Variants in WBP2 observed in about 807,000 individuals in gnomAD.
WBP2 encodes the protein WW domain-binding protein 2.
In WBP2, 23 loss-of-function variants were observed where a neutral mutation model predicts 33.0. The ratio of observed to expected loss-of-function variants is 0.70; its 90% confidence interval spans 0.50 to 0.99. WBP2 has a LOEUF of 0.99. Among genes scored for constraint, WBP2 ranks in the 50% least tolerant of loss-of-function variants. The pLI, the probability that WBP2 is intolerant of heterozygous loss-of-function variation, is 0.00. For synonymous variants in WBP2, 153 were observed against 133.5 expected (o/e 1.15, Z -1.01); for missense variants, 353 against 358.0 (o/e 0.99, Z 0.11).
At position 75,849,611 on chromosome 17, in the gene WBP2, T is replaced by G. The variant is rs755252817; in HGVS notation, c.297A>C (p.Glu99Asp). 2.0e-5 allele frequency: 33 copies of G among 1,613,934 alleles called. No individual in the cohort carries two copies. The highest frequency in any genetic ancestry group is 2.6e-5 in the Non-Finnish European group (31 of 1,179,918). Reference sequence around the variant, plus strand: ...TGAGTTCCCATCACCTACCTCCCGCTTCCGCCTTCACTGTTCCCTTGATGT... The same window carrying G: ...TGAGTTCCCATCACCTACCTCCCGCGTCCGCCTTCACTGTTCCCTTGATGT... ...ANYIKGTVKA[E>D]AGGGWEGSAS... The change falls in exon 3 of 8, where the codon GAA (glutamate) becomes GAC (aspartate). Residue 99 changes from glutamate to aspartate, a missense_variant. Transcript: ENST00000254806.
At position 75,850,346 on chromosome 17, in the gene WBP2, C is replaced by T. The variant is rs531175746; in HGVS notation, c.169-607G>A. Among the ~76,000 whole-genome samples, 11 of 151,834 alleles carry T rather than the reference C, an allele frequency of 7.2e-5. 1 individual carries two copies. The highest frequency in any genetic ancestry group is 1.9e-4 in the East Asian group (1 of 5,166). Reference sequence around the variant, plus strand: ...CTGCAAGCTCCGCCTCCCGGGTTCACGCCATTCTCCTGCCTCAGCCTCCTG... The same window carrying T: ...CTGCAAGCTCCGCCTCCCGGGTTCATGCCATTCTCCTGCCTCAGCCTCCTG... On this transcript the variant is annotated intron_variant, in intron 2 of 7. Transcript: ENST00000254806.
At chr17:75,849,285 C>T (rs2065013860) in intron 3 of WBP2, 1 of 264,676 alleles carries the variant, frequency 3.8e-6, no homozygotes, top group East Asian at 7.8e-5. Flanking sequence ...TGAAAAGGCC[C>T]CTCTCAAGAA....
At chr17:75,849,786 C>T (rs528092187) in intron 2 of WBP2, 47 bp from the exon 3 acceptor site, 14 of 1,603,050 alleles carry the variant, frequency 8.7e-6, no homozygotes, top group African/African-American at 8.0e-5. Flanking sequence ...GCACAGCCCA[C>T]GCTGCCATGC....
At chr17:75,848,349 G>GTC (rs2065007895) in intron 4 of WBP2, 1 of 599,842 alleles carries the variant, frequency 1.7e-6, no homozygotes, top group East Asian at 2.8e-5. Flanking sequence ...TTGTCAAAAC[G>GTC]TCATCCACCT....
Position 75,846,574 on chromosome 17 carries a change from CG to C in WBP2, c.*159del, listed in dbSNP as rs767226716. 16 of 968,810 alleles carry C rather than the reference CG, an allele frequency of 1.7e-5. No homozygotes were observed. The highest frequency in any genetic ancestry group is 2.1e-5 in the Admixed American group (1 of 46,976). 60.0% of individuals were successfully genotyped at this position (968,810 alleles called of 1,614,324 possible). A position where few individuals can be genotyped will look rare whatever the true frequency, so the allele number is the denominator to read the frequency against. ...AGCTGGGCGGCACCTCTCCCGAGGCCGGGGGCCCTAATGTCCCACAATGCTA... is the reference window on the plus strand; with the variant it reads ...AGCTGGGCGGCACCTCTCCCGAGGCCGGGGCCCTAATGTCCCACAATGCTA... On this transcript the variant is annotated 3_prime_UTR_variant, in exon 8 of 8. Coordinates refer to ENST00000254806, the MANE Select transcript of WBP2 (RefSeq NM_012478.4). The surrounding 1 kb of genome is among the most constrained non-coding windows in gnomAD (Gnocchi z 4.8).
Position 75,851,572 on chromosome 17 carries a change from TA to T in WBP2, c.163del (p.Tyr55ThrfsTer17). 2 of 1,612,436 alleles carry T rather than the reference TA, an allele frequency of 1.2e-6. No individual in the cohort carries two copies. The highest frequency in any genetic ancestry group is 1.7e-6 in the Non-Finnish European group (2 of 1,178,648). On this transcript the variant is annotated frameshift_variant, in exon 2 of 8. Coordinates refer to ENST00000254806, the MANE Select transcript of WBP2 (RefSeq NM_012478.4). LOFTEE classifies it high-confidence loss of function. ...CTGCCCTGCTGTGCAACTCACCCGGTAAGGGGTAAGGTAGACAGTGCCTTTC... is the reference window on the plus strand; with the variant it reads ...CTGCCCTGCTGTGCAACTCACCCGGTAGGGGTAAGGTAGACAGTGCCTTTC... ...TKKGTVYLTP[Y>X]RVIFLSKGKD... is the part of the protein sequence containing the mutation.
chr17:75,848,395 G>A, intron 4 of WBP2, 175 bp downstream of exon 4: 1 of 652,788 alleles, frequency 1.5e-6, no homozygotes, highest in Non-Finnish European at 2.7e-6. Context: ...TGAGGTACAG[G>A]ACAGAGCTGA....
chr17:75,847,766 G>C (rs1281904253), intron 5 of WBP2, 30 bp downstream of exon 5: 1 of 1,542,964 alleles, frequency 6.5e-7, no homozygotes, highest in Non-Finnish European at 8.8e-7. Context: ...GGCTCATGAG[G>C]GGAGTGGGGG....
upstream of WBP2, among the ~76,000 whole-genome samples, chr17:75,855,988 G>A (rs900148583): frequency 2.0e-5 from 3 of 152,166 alleles, no homozygotes; most frequent in Non-Finnish European, 4.4e-5. Context: ...GAGGCCGTGT[G>A]CCCCGCCTGG....
rs35171947 is a variant in WBP2, at chr17:75,846,959, G to A, written c.681C>T (p.Ala227=). ...PAAEAKAAEA[A]ASAYYNPGNP... ...TGCCTGGGTTGTAATAGGCGCTGGC[G>A]GCTGCTTCTGCGGCCTTGGCTTCGG... The change falls in exon 7 of 8, where the codon GCC becomes GCT. Residue 227 remains alanine, a synonymous_variant. Transcript: ENST00000254806. This position sits in a 1 kb window ranked among gnomAD's most constrained non-coding sequence, Gnocchi z 4.8. The A allele has an allele frequency of 6.0e-3, 9,696 of 1,614,114 alleles. 242 individuals are homozygous for A. The African/African-American group carries it at 0.066, about 11-fold the overall frequency.
intron 3 of WBP2, 128 bp from the exon 4 acceptor site, chr17:75,848,790 G>C: frequency 1.3e-6 from 1 of 772,224 alleles, no homozygotes; most frequent in South Asian, 1.5e-5. Flanking sequence ...CCTGCACTGT[G>C]ATGGGGACTT....
At chr17:75,852,899 C>T (rs2065036219) in intron 1 of WBP2, 1 of 669,362 alleles carries the variant, frequency 1.5e-6, no homozygotes, top group Non-Finnish European at 1.8e-6. Context: ...AACCTGGGTT[C>T]TTAAGCGGGG....
intron 6 of WBP2, 122 bp downstream of exon 6, chr17:75,847,365 A>G (rs775349530): frequency 1.4e-6 from 2 of 1,446,018 alleles, no homozygotes; most frequent in South Asian, 2.4e-5. Context: ...CCCCTGGGGT[A>G]GTCCAGGGGT....
rs775754654 is a variant in WBP2, at chr17:75,846,775, G to A, written c.745C>T (p.Pro249Ser). ...NVYMPTSQPP[P>S]PPYYPPEDKK... is the part of the protein sequence containing the mutation. ...TCTTCCGGTGGGTAGTAGGGAGGTG[G>A]CGGCGGCTGGCTCTAAAGAAGGGAG... Residue 249 changes from proline to serine, a missense_variant, in exon 8 of 8, where the codon CCA becomes TCA. Physicochemically the swap from Pro to Ser is moderately conservative, Grantham distance 74 (BLOSUM62 -1). Coordinates refer to ENST00000254806, the MANE Select transcript of WBP2 (RefSeq NM_012478.4). The surrounding 1 kb of genome is among the most constrained non-coding windows in gnomAD (Gnocchi z 4.8). The A allele has an allele frequency of 1.3e-6, 2 of 1,549,578 alleles. No individual in the cohort carries two copies. Among genetic ancestry groups the A allele is most frequent in the Non-Finnish European group, 1.7e-6 (2 of 1,146,804 alleles).
At chr17:75,847,656 GC>G (rs1567825578) in intron 5 of WBP2, 47 bp from the exon 6 acceptor site, 3 of 1,610,958 alleles carry the variant, frequency 1.9e-6, no homozygotes, top group Admixed American at 3.4e-5. Context: ...CCCGGCTGCG[GC>G]CCCCTCCCGG....
Position 75,846,305 on chromosome 17 carries a change from G to A in WBP2, c.*429C>T, listed in dbSNP as rs981867059. 1 of 237,596 alleles carries A rather than the reference G, an allele frequency of 4.2e-6. No individual in the cohort carries two copies. Among genetic ancestry groups the A allele is most frequent in the East Asian group, 1.4e-4 (1 of 7,106 alleles). 14.7% of individuals were successfully genotyped at this position (237,596 alleles called of 1,614,324 possible). Reference sequence around the variant, plus strand: ...CAGCACAGACCAGCAGAGGGAATGTGAGCAGGGTCTGGCAGGGCCCGGGAA... The same window carrying A: ...CAGCACAGACCAGCAGAGGGAATGTAAGCAGGGTCTGGCAGGGCCCGGGAA... On this transcript the variant is annotated 3_prime_UTR_variant, in exon 8 of 8. Transcript: ENST00000254806. The surrounding 1 kb of genome is among the most constrained non-coding windows in gnomAD (Gnocchi z 4.8).
intron 3 of WBP2, 62 bp downstream of exon 3, chr17:75,849,542 C>CA: frequency 6.2e-7 from 1 of 1,602,476 alleles, no homozygotes; most frequent in Non-Finnish European, 8.5e-7. Flanking sequence ...CGGCGGCAGT[C>CA]AGAGGTTCCC....
upstream of WBP2, chr17:75,855,586 G>C: frequency 2.1e-6 from 1 of 473,316 alleles, no homozygotes; most frequent in Non-Finnish European, 3.9e-6. Context: ...GTAGTCTCCT[G>C]GATCATAGGC....
rs2064994741 is a variant in WBP2, at chr17:75,846,774, G to A, written c.746C>T (p.Pro249Leu). The change falls in exon 8 of 8, where the codon CCA (proline) becomes CTA (leucine). Residue 249 changes from proline (P) to leucine (L), a missense_variant. Pro to Leu is a moderately conservative substitution (Grantham distance 98). Transcript: ENST00000254806. This position sits in a 1 kb window ranked among gnomAD's most constrained non-coding sequence, Gnocchi z 4.8. ...ATCTTCCGGTGGGTAGTAGGGAGGT[G>A]GCGGCGGCTGGCTCTAAAGAAGGGA... is the stretch of plus-strand genomic sequence containing the variant. ...NVYMPTSQPP[P>L]PPYYPPEDKK... 6 of 1,549,000 alleles carry A rather than the reference G, an allele frequency of 3.9e-6. No homozygotes were observed. Among genetic ancestry groups the A allele is most frequent in the Non-Finnish European group, 5.2e-6 (6 of 1,146,548 alleles).
Sources: gnomAD v4.1 joint callset for allele counts (sites outside exome capture counted in the v4.1 genomes callset) on GRCh38, gnomAD v4.1.1 for gene constraint, Gnocchi (gnomAD v3.1) non-coding constraint, MANE v1.5 for transcripts, NCBI Gene and HGNC (gene_info 2026-07-23, HGNC 2026-07-21) for gene names.